Variants in ABCC11 observed in about 807,000 individuals in gnomAD.
ABCC11 encodes the protein ATP-binding cassette sub-family C member 11.
ABCC11 carries 135 observed loss-of-function variants against 149.3 expected under a neutral mutation model. The observed-to-expected ratio is 0.90, with a 90% CI of 0.79 to 1.04. The LOEUF (loss-of-function observed/expected upper bound fraction) is 1.04, where lower values mean the gene tolerates loss of function less well. ABCC11 is among the 50% of genes least tolerant of loss of function. The pLI is 0.00. For missense variants in ABCC11, 1,680 were observed against 1,722.1 expected (o/e 0.98, Z 0.43); for synonymous variants, 665 against 671.4 (o/e 0.99, Z 0.15).
At chr16:48,202,578 T>C (rs1319354364) in intron 14 of ABCC11, among the ~76,000 whole-genome samples, 1 of 149,606 alleles carries the variant, frequency 6.7e-6, no homozygotes, top group Non-Finnish European at 1.5e-5. Context: ...ACCACTGCAC[T>C]CCAGCCTGGG....
chr16:48,195,528 A>G (rs1967324317), intron 18 of ABCC11, among the ~76,000 whole-genome samples: 1 of 152,194 alleles, frequency 6.6e-6, no homozygotes, highest in Non-Finnish European at 1.5e-5. Context: ...AGTTTCATGG[A>G]GTAAAAATTA....
chr16:48,240,147 C>T (rs1970891947), intron 1 of ABCC11, among the ~76,000 whole-genome samples: 1 of 152,150 alleles, frequency 6.6e-6, no homozygotes, highest in Non-Finnish European at 1.5e-5. Flanking sequence ...GCAGAAATAC[C>T]ATTTGACCCA....
At chr16:48,226,310 T>C (rs1387754227) in intron 4 of ABCC11, among the ~76,000 whole-genome samples, 1 of 149,302 alleles carries the variant, frequency 6.7e-6, no homozygotes, top group African/African-American at 2.5e-5. Flanking sequence ...AGTCTCACTC[T>C]GTTGCCCAGG....
At chr16:48,245,431 G>A (rs1193048438) in intron 1 of ABCC11, among the ~76,000 whole-genome samples, 1 of 152,198 alleles carries the variant, frequency 6.6e-6, no homozygotes, top group Non-Finnish European at 1.5e-5. Flanking sequence ...AAGTTATGAA[G>A]AATAAATTGA....
Position 48,170,050 on chromosome 16 carries a change from C to T in ABCC11, c.3891+55G>A, listed in dbSNP as rs527824990. ...AGGGAGAGGGAGCCGGTGTGGCTTC[C>T]CTCATCATGCGTAGTCTGTGGCTTC... On this transcript the variant is annotated intron_variant, in intron 28 of 29. Coordinates refer to ENST00000356608, the MANE Select transcript of ABCC11 (RefSeq NM_001370497.1). 7.4e-6 allele frequency: 11 copies of T among 1,479,258 alleles called. No homozygotes were observed. The East Asian group carries it at 2.3e-4, about 31-fold the overall frequency. The allele number at this position is 1,479,258 out of a possible 1,614,324, so 91.6% of individuals were successfully genotyped here.
intron 26 of ABCC11, 139 bp from the exon 27 acceptor site, chr16:48,171,106 A>T: frequency 2.5e-6 from 2 of 798,820 alleles, no homozygotes; most frequent in Non-Finnish European, 4.1e-6. Flanking sequence ...CCACAAATGG[A>T]GATTTTTTGT....
intron 15 of ABCC11, among the ~76,000 whole-genome samples, chr16:48,198,880 T>C (rs1478663150): frequency 6.6e-6 from 1 of 151,862 alleles, no homozygotes; most frequent in Admixed American, 6.6e-5. Context: ...GTACTACAAA[T>C]ACAAAAATCA....
chr16:48,211,199 T>A lies in ABCC11; in HGVS notation c.1357A>T (p.Lys453Ter), dbSNP rs755733304. Residue 453 changes from lysine (K) to a stop codon, truncating the protein, a stop_gained and splice_region_variant, in exon 11 of 30, where the codon AAG becomes TAG. Transcript: ENST00000356608. LOFTEE classifies it high-confidence loss of function. ...ACAGGGCTCTCCTGGAGGAAAAACT[T>A]CTGTAAAGACAGAAAAAAATAGAGG... is the stretch of plus-strand genomic sequence containing the variant. ...NSKSAVMRFK[K>*]FFLQESPVFY... 50 of 1,613,332 alleles carry A rather than the reference T, an allele frequency of 3.1e-5. No homozygotes were observed. In the South Asian group the frequency reaches 3.4e-4, roughly 11 times the overall value.
intron 13 of ABCC11, among the ~76,000 whole-genome samples, chr16:48,203,670 C>T (rs1968192943): frequency 6.6e-6 from 1 of 152,130 alleles, no homozygotes; most frequent in Non-Finnish European, 1.5e-5. Flanking sequence ...GAGTTCGAGA[C>T]CAGCTTGGCT....
At chr16:48,176,527 C>T (rs890963145) in intron 25 of ABCC11, among the ~76,000 whole-genome samples, 2 of 152,056 alleles carry the variant, frequency 1.3e-5, no homozygotes, top group Non-Finnish European at 2.9e-5. Context: ...TGCTCTTCAT[C>T]CTGGCAGTGC....
In ABCC11 at chr16:48,211,731, G is replaced by A. The variant is rs539957157; in HGVS notation, c.1357-532C>T. Among the ~76,000 whole-genome samples, 334 of 152,052 alleles carry A rather than the reference G, an allele frequency of 2.2e-3. 1 individual carries two copies. The highest frequency in any genetic ancestry group is 3.8e-3 in the Non-Finnish European group (256 of 68,008). Reference sequence around the variant, plus strand: ...CTATTGAAAATAAAAAGCTCTGTCCGTGTCCCACACTGGGGAAAGGTCATT... The same window carrying A: ...CTATTGAAAATAAAAAGCTCTGTCCATGTCCCACACTGGGGAAAGGTCATT... On this transcript the variant is annotated intron_variant, in intron 10 of 29. Transcript: ENST00000356608.
At chr16:48,229,302 A>G (rs73546444) in intron 3 of ABCC11, among the ~76,000 whole-genome samples, 8 of 152,302 alleles carry the variant, frequency 5.3e-5, no homozygotes, top group African/African-American at 1.9e-4. Flanking sequence ...CTTGGTGGAG[A>G]TAACATAATT....
At chr16:48,247,178 G>A (rs1971439461) in intron 1 of ABCC11, 136 bp downstream of exon 1, 1 of 151,280 alleles carries the variant, frequency 6.6e-6, no homozygotes, top group Non-Finnish European at 1.5e-5. Context: ...AGTTTCCAAT[G>A]TCTTTTTTTC....
chr16:48,236,287 T>C (rs1483827675), intron 1 of ABCC11, among the ~76,000 whole-genome samples: 6 of 152,166 alleles, frequency 3.9e-5, no homozygotes, highest in African/African-American at 1.4e-4. Context: ...GACAAGAATA[T>C]TCTCCTCCCA....
At chr16:48,218,914 T>C (rs970125667) in intron 6 of ABCC11, among the ~76,000 whole-genome samples, 1 of 152,112 alleles carries the variant, frequency 6.6e-6, no homozygotes, top group Non-Finnish European at 1.5e-5. Context: ...GGACGATCTA[T>C]GTGTGCTAAC....
At position 48,243,962 on chromosome 16, in the gene ABCC11, A is replaced by G. The variant is rs376519873; in HGVS notation, c.-19+3352T>C. Among the ~76,000 whole-genome samples the G allele has an allele frequency of 6.9e-3, 1,056 of 152,126 alleles. 10 individuals are homozygous for G. Among genetic ancestry groups the G allele is most frequent in the Non-Finnish European group, 0.01 (681 of 67,994 alleles). On this transcript the variant is annotated intron_variant, in intron 1 of 29. Coordinates refer to ENST00000356608, the MANE Select transcript of ABCC11 (RefSeq NM_001370497.1). The stretch of plus-strand genomic sequence containing the variant: ...CGTGGGTATCGCGCCATTGCACTCC[A>G]GCCTCCGCGACAGAGCGAGAATCTG...
At chr16:48,170,286 G>T in intron 27 of ABCC11, 68 bp from the exon 28 acceptor site, 1 of 1,237,866 alleles carries the variant, frequency 8.1e-7, no homozygotes, top group Non-Finnish European at 1.2e-6. Flanking sequence ...ACCTGACCTT[G>T]TCAATCTTCC....
At chr16:48,228,652 G>C (rs1970237294) in intron 3 of ABCC11, among the ~76,000 whole-genome samples, 1 of 152,036 alleles carries the variant, frequency 6.6e-6, no homozygotes, top group African/African-American at 2.4e-5. Context: ...GAAGAAAGGA[G>C]AGAAAGCAGA....
intron 22 of ABCC11, among the ~76,000 whole-genome samples, chr16:48,186,535 G>A (rs1048308137): frequency 3.9e-5 from 6 of 152,250 alleles, no homozygotes; most frequent in African/African-American, 1.4e-4. Context: ...ACATTTAGGG[G>A]GCAAATCTAT....
Sources: allele counts gnomAD v4.1 joint callset (sites outside exome capture counted in the v4.1 genomes callset), GRCh38; gene constraint gnomAD v4.1.1; transcripts MANE v1.5; gene names NCBI Gene and HGNC (gene_info 2026-07-23, HGNC 2026-07-21).